DGKG: variants seen among roughly 807,000 people sequenced by gnomAD.
DGKG encodes the protein diacylglycerol kinase gamma.
Under a neutral mutation model 105.3 loss-of-function variants are expected in DGKG, and 78 were observed. The observed-to-expected ratio is 0.74, with a 90% CI of 0.62 to 0.89. The LOEUF (loss-of-function observed/expected upper bound fraction) is 0.89. Ranked by LOEUF, DGKG falls within the 40% of genes least tolerant of loss-of-function variation. The pLI is 0.00. For missense variants in DGKG, 958 were observed against 1,020.1 expected, an observed-to-expected ratio of 0.94 and a Z score of 0.83; for synonymous variants, 346 against 367.1, an observed-to-expected ratio of 0.94 and a Z score of 0.66.
intron 22 of DGKG, among the ~76,000 whole-genome samples, chr3:186,185,198 A>G (rs1250577156): frequency 6.6e-6 from 1 of 152,190 alleles, no homozygotes; most frequent in African/African-American, 2.4e-5. Flanking sequence ...TCCCATTAAC[A>G]ACTCAACTTA....
chr3:186,317,206 C>T (rs1019024257), intron 2 of DGKG, among the ~76,000 whole-genome samples: 1 of 152,242 alleles, frequency 6.6e-6, no homozygotes, highest in African/African-American at 2.4e-5. Flanking sequence ...TCTTTTCCAC[C>T]TACTTGCCTT....
At chr3:186,328,213 T>G (rs1390223167) in intron 1 of DGKG, among the ~76,000 whole-genome samples, 2 of 152,362 alleles carry the variant, frequency 1.3e-5, no homozygotes, top group East Asian at 3.9e-4. Context: ...TTGGAACTCT[T>G]TGAGCAAATT....
chr3:186,251,884 C>T lies in DGKG; in HGVS notation c.1636G>A (p.Asp546Asn). Residue 546 changes from aspartate (D) to asparagine (N), a missense_variant, in exon 19 of 25, where the codon GAC becomes AAC. By Grantham distance (23) the Asp-to-Asn change is conservative. This residue lies in a region of DGKG where 315 missense variants were observed against 400.6 expected (regional missense o/e 0.79). Coordinates refer to ENST00000265022, the MANE Select transcript of DGKG (RefSeq NM_001346.3). ...EGGSLTKILK[D>N]IEQSPLVMLD... ...ATCACCAAGGGGCTCTGCTCAATGT[C>T]TTTCAGGATTTTTGTCAAGCTGCCC... The T allele has an allele frequency of 6.3e-7, 1 of 1,598,174 alleles. No homozygotes were observed. Among genetic ancestry groups the T allele is most frequent in the South Asian group, 1.1e-5 (1 of 89,414 alleles).
chr3:186,299,610 GTC>G (rs1247236955), intron 3 of DGKG, among the ~76,000 whole-genome samples: 1 of 151,922 alleles, frequency 6.6e-6, no homozygotes, highest in Non-Finnish European at 1.5e-5. Flanking sequence ...CTGTCCCCGA[GTC>G]TCTGTGTCTC....
At chr3:186,238,538 A>T (rs972770360) in intron 20 of DGKG, among the ~76,000 whole-genome samples, 2 of 152,156 alleles carry the variant, frequency 1.3e-5, no homozygotes, top group African/African-American at 4.8e-5. Context: ...GCCACATCTT[A>T]TGTGCCCTTT....
intron 21 of DGKG, among the ~76,000 whole-genome samples, chr3:186,206,266 C>T (rs1718729110): frequency 6.6e-6 from 1 of 152,076 alleles, no homozygotes; most frequent in East Asian, 1.9e-4. Context: ...CGCCTGTAGT[C>T]TCAGGTACTT....
chr3:186,342,447 C>A (rs1004586732), intron 1 of DGKG, among the ~76,000 whole-genome samples: 1 of 152,144 alleles, frequency 6.6e-6, no homozygotes, highest in Non-Finnish European at 1.5e-5. Context: ...TGCAAAACGC[C>A]CTTTTCAGCT....
At chr3:186,297,928 C>T (rs1329806857) in intron 4 of DGKG, 136 bp downstream of exon 4, 3 of 980,162 alleles carry the variant, frequency 3.1e-6, no homozygotes, top group African/African-American at 3.3e-5. Flanking sequence ...GGAAAGGCGT[C>T]CCTGTCCCTT....
Position 186,288,774 on chromosome 3 carries a change from G to A in DGKG, c.480C>T (p.Tyr160=). ...ACAGGTAGCACACAACATCCTTCAGGTATACCACTGGGGATTCCGAGCTTG... is the reference window on the plus strand; with the variant it reads ...ACAGGTAGCACACAACATCCTTCAGATATACCACTGGGGATTCCGAGCTTG... ...RSSSSESPVV[Y]LKDVVCYLSL... is the part of the protein sequence containing the mutation. Residue 160 remains tyrosine, a synonymous_variant, in exon 6 of 25, where the codon TAC becomes TAT. Transcript: ENST00000265022. 6.2e-7 allele frequency: 1 copy of A among 1,614,038 alleles called. No homozygotes were observed. Among genetic ancestry groups the A allele is most frequent in the Non-Finnish European group, 8.5e-7 (1 of 1,179,958 alleles).
rs1553825823 is a variant in DGKG, at chr3:186,353,656, G to GTCTATATCTAGA, written c.-249+8289_-249+8290insTCTAGATATAGA. On this transcript the variant is annotated intron_variant, in intron 1 of 24. Transcript: ENST00000265022. ...TATCTATATCTATATCTATGTCTATGTCTATATCTATATCTATATCTATAT... is the reference window on the plus strand; with the variant it reads ...TATCTATATCTATATCTATGTCTATGTCTATATCTAGATCTATATCTATATCTATATCTATAT... Among the ~76,000 whole-genome samples, 3 of 116,154 alleles carry GTCTATATCTAGA rather than the reference G, an allele frequency of 2.6e-5. No individual in the cohort carries two copies. In the East Asian group the frequency reaches 6.9e-4, roughly 27 times the overall value. The allele number at this position is 116,154 out of a possible 152,430, so 76.2% of individuals were successfully genotyped here. A position where few individuals can be genotyped will look rare whatever the true frequency, so the allele number is the denominator to read the frequency against.
rs1479547705 is a variant in DGKG, at chr3:186,211,782, CT to C, written c.1917+12del. ...CAAGATCCAGGAAGCCTTCTCCCCA[CT>C]TGGGAACTTACCTCCAACTCAATGT... On this transcript the variant is annotated intron_variant, in intron 21 of 24. Coordinates refer to ENST00000265022, the MANE Select transcript of DGKG (RefSeq NM_001346.3). 1 of 1,609,790 alleles carries C rather than the reference CT, an allele frequency of 6.2e-7. No homozygotes were observed. Among genetic ancestry groups the C allele is most frequent in the African/African-American group, 1.3e-5 (1 of 74,820 alleles).
Position 186,265,252 on chromosome 3 carries a change from T to A in DGKG, c.1264A>T (p.Met422Leu). The change falls in exon 14 of 25, where the codon ATG becomes TTG. Residue 422 changes from methionine (M) to leucine (L), a missense_variant. Met to Leu is a conservative substitution (Grantham distance 15, BLOSUM62 2). Coordinates refer to ENST00000265022, the MANE Select transcript of DGKG (RefSeq NM_001346.3). ...GCVSAKGELV[M>L]QYKIIPTPGT... ...ATTTAGAGCTCATGAGGTACCTGCA[T>A]GACAAGTTCGCCCTTGGCGGACACG... The A allele has an allele frequency of 1.2e-6, 2 of 1,614,234 alleles. No homozygotes were observed. The highest frequency in any genetic ancestry group is 1.7e-6 in the Non-Finnish European group (2 of 1,180,024).
chr3:186,256,146 C>T (rs1330024926), intron 17 of DGKG, among the ~76,000 whole-genome samples: 1 of 152,156 alleles, frequency 6.6e-6, no homozygotes, highest in African/African-American at 2.4e-5. Flanking sequence ...ACTCCTCCCT[C>T]CTCCCACAAA....
chr3:186,320,269 A>C, intron 2 of DGKG, 124 bp downstream of exon 2: 1 of 1,134,176 alleles, frequency 8.8e-7, no homozygotes, highest in Non-Finnish European at 1.2e-6. Flanking sequence ...ATAAGGAAAT[A>C]TAAGCCGTCA....
At chr3:186,215,412 CAAA>C (rs71632094) in intron 20 of DGKG, among the ~76,000 whole-genome samples, 4 of 73,368 alleles carry the variant, frequency 5.5e-5, no homozygotes, top group Admixed American at 1.7e-4. Context: ...CCCCCATCTC[CAAA>C]AAAAAAAAAA....
Position 186,165,030 on chromosome 3 carries a change from G to T in DGKG, c.2096-12C>A. On this transcript the variant is annotated splice_polypyrimidine_tract_variant and intron_variant, in intron 22 of 24. Transcript: ENST00000265022. ...CTGGTCACTGAGGTCTGCAGAGCGA[G>T]ACAGCAAAAGTAGTGCATACACATC... 6.2e-7 allele frequency: 1 copy of T among 1,609,766 alleles called. No homozygotes were observed.
Position 186,149,211 on chromosome 3 carries a change from T to G in DGKG, c.*879A>C. The stretch of plus-strand genomic sequence containing the variant: ...ACTCAAACAGGAAACACGCTTTGGC[T>G]TGAAAAAGAAAGAAGCTGGGGGTGG... On this transcript the variant is annotated 3_prime_UTR_variant, in exon 25 of 25. Coordinates refer to ENST00000265022, the MANE Select transcript of DGKG (RefSeq NM_001346.3). 1 of 984,656 alleles carries G rather than the reference T, an allele frequency of 1.0e-6. No individual in the cohort carries two copies. The highest frequency in any genetic ancestry group is 1.2e-6 in the Non-Finnish European group (1 of 829,706). 61.0% of individuals were successfully genotyped at this position (984,656 alleles called of 1,614,324 possible).
chr3:186,178,843 G>A (rs941232734), intron 22 of DGKG, among the ~76,000 whole-genome samples: 1 of 152,236 alleles, frequency 6.6e-6, no homozygotes, highest in Admixed American at 6.5e-5. Context: ...AGAAAGAATT[G>A]TACGTTTGGA....
At position 186,264,649 on chromosome 3, in the gene DGKG, G is replaced by A. The variant is rs371668452; in HGVS notation, c.1269+598C>T. On this transcript the variant is annotated intron_variant, in intron 14 of 24. Coordinates refer to ENST00000265022, the MANE Select transcript of DGKG (RefSeq NM_001346.3). ...AGGTGGGCAGGGCAGGGATTACTGT[G>A]TCTCCTTTGAGCGGAGGAAACTTAA... Among the ~76,000 whole-genome samples, 6 of 152,314 alleles carry A rather than the reference G, an allele frequency of 3.9e-5. No homozygotes were observed. In the East Asian group the frequency reaches 5.8e-4, roughly 15 times the overall value.
Sources: gnomAD v4.1 joint callset for allele counts (sites outside exome capture counted in the v4.1 genomes callset) on GRCh38, gnomAD v4.1.1 for gene constraint, gnomAD v4.1.1 regional missense constraint, MANE v1.5 for transcripts, NCBI Gene and HGNC (gene_info 2026-07-23, HGNC 2026-07-21) for gene names.